Variants in DIP2A observed in about 807,000 individuals in gnomAD.
DIP2A encodes the protein disco-interacting protein 2 homolog A.
In DIP2A, 85 loss-of-function variants were observed where a neutral mutation model predicts 177.4. The ratio of observed to expected loss-of-function variants is 0.48; its 90% CI spans 0.40 to 0.57. The LOEUF (loss-of-function observed/expected upper bound fraction) is 0.57. Among genes scored for constraint, DIP2A ranks in the 20% least tolerant of loss-of-function variants. The pLI is 0.00. For missense variants in DIP2A, 1,791 were observed against 2,100.2 expected (o/e 0.85, Z 2.88); for synonymous variants, 886 against 881.8 (o/e 1.00, Z -0.08).
intron 2 of DIP2A, among the ~76,000 whole-genome samples, chr21:46,487,431 A>T (rs1254619200): frequency 6.6e-6 from 1 of 152,230 alleles, no homozygotes. Flanking sequence ...TCCATTCCAA[A>T]TGGGTAAACA....
Position 46,563,491 on chromosome 21 carries a change from A to G in DIP2A, c.4090-367A>G, listed in dbSNP as rs1178860530. Among the ~76,000 whole-genome samples, 1 of 152,130 alleles carries G rather than the reference A, an allele frequency of 6.6e-6. No homozygotes were observed. Among genetic ancestry groups the G allele is most frequent in the African/African-American group, 2.4e-5 (1 of 41,420 alleles). On this transcript the variant is annotated intron_variant, in intron 34 of 37. Transcript: ENST00000417564. This position sits in a 1 kb window ranked among gnomAD's most constrained non-coding sequence, Gnocchi z 4.3. ...GTCAGGTTCCTGGCCAAGAACTAGG[A>G]CAGACATGTGCCTCCTGCAGGGCTG... is the stretch of plus-strand genomic sequence containing the variant.
chr21:46,556,123 C>T lies in DIP2A; in HGVS notation c.3498+32C>T. The T allele has an allele frequency of 1.3e-6, 2 of 1,579,922 alleles. No homozygotes were observed. The highest frequency in any genetic ancestry group is 1.7e-6 in the Non-Finnish European group (2 of 1,149,430). On this transcript the variant is annotated intron_variant, in intron 29 of 37. Coordinates refer to ENST00000417564, the MANE Select transcript of DIP2A (RefSeq NM_015151.4). The surrounding 1 kb of genome is among the most constrained non-coding windows in gnomAD (Gnocchi z 4.5). ...CCTCTGAAATCTTGTTTGCTTCAGC[C>T]CCTAGAAATCAGGAGGAGTGGACAG...
At position 46,537,039 on chromosome 21, in the gene DIP2A, G is replaced by A. The variant is rs551896103; in HGVS notation, c.1643-185G>A. ...TAGTTCCATGACCTTCTACTTTTAT[G>A]TGTTTCCAGTAATTTGAATAGATAA... On this transcript the variant is annotated intron_variant, in intron 13 of 37. Coordinates refer to ENST00000417564, the MANE Select transcript of DIP2A (RefSeq NM_015151.4). This position sits in a 1 kb window ranked among gnomAD's most constrained non-coding sequence, Gnocchi z 4.1. Among the ~76,000 whole-genome samples the A allele has an allele frequency of 6.6e-6, 1 of 152,192 alleles. No individual in the cohort carries two copies. The highest frequency in any genetic ancestry group is 1.5e-5 in the Non-Finnish European group (1 of 68,020).
intron 13 of DIP2A, among the ~76,000 whole-genome samples, chr21:46,536,590 A>G (rs1439250169): frequency 6.6e-6 from 1 of 152,104 alleles, no homozygotes; most frequent in Non-Finnish European, 1.5e-5. Flanking sequence ...AAGAATACCC[A>G]CTCAAAAATA....
chr21:46,469,887 C>G (rs1349347371), intron 1 of DIP2A, among the ~76,000 whole-genome samples: 1 of 152,076 alleles, frequency 6.6e-6, no homozygotes, highest in Non-Finnish European at 1.5e-5. Flanking sequence ...CGTGTGACTG[C>G]TTCTCTTATC....
At chr21:46,521,603 A>C (rs1388909043) in intron 8 of DIP2A, among the ~76,000 whole-genome samples, 1 of 152,252 alleles carries the variant, frequency 6.6e-6, no homozygotes. Flanking sequence ...CCTTGTAGAC[A>C]AATCTATTCA....
At chr21:46,575,919 A>G in the DIP2A span, among the ~76,000 whole-genome samples, 1 of 152,240 alleles carries the variant, frequency 6.6e-6, no homozygotes, top group Admixed American at 6.5e-5. Flanking sequence ...TATAGAATCT[A>G]AAGACACTCT....
Position 46,509,329 on chromosome 21 carries a change from C to T in DIP2A, c.857C>T (p.Pro286Leu), listed in dbSNP as rs2148615403. Residue 286 changes from proline to leucine, a missense_variant, in exon 7 of 38, where the codon CCT becomes CTT. Physicochemically the swap from Pro to Leu is moderately conservative, Grantham distance 98. Transcript: ENST00000417564. ...AACACCCTGAAGAGGCCAAAGCGCC[C>T]TCCACTGAAGGAGTTCTTTGTGGAT... ...LLNTLKRPKR[P>L]PLKEFFVDDF... 1.2e-6 allele frequency: 2 copies of T among 1,613,764 alleles called. No individual in the cohort carries two copies. Among genetic ancestry groups the T allele is most frequent in the East Asian group, 4.5e-5 (2 of 44,868 alleles).
Position 46,556,823 on chromosome 21 carries a change from TGTTTGGTAGTTC to T in DIP2A, c.3499-114_3499-103del. 1.1e-6 allele frequency: 1 copy of T among 876,056 alleles called. No homozygotes were observed. Among genetic ancestry groups the T allele is most frequent in the South Asian group, 2.2e-5 (1 of 46,314 alleles). 54.3% of individuals were successfully genotyped at this position (876,056 alleles called of 1,614,324 possible). A position where few individuals can be genotyped will look rare whatever the true frequency, so the allele number is the denominator to read the frequency against. On this transcript the variant is annotated intron_variant, in intron 29 of 37. Coordinates refer to ENST00000417564, the MANE Select transcript of DIP2A (RefSeq NM_015151.4). The surrounding 1 kb of genome is among the most constrained non-coding windows in gnomAD (Gnocchi z 4.5). ...CCGTCTTTTAAGGAAATAAATATGA[TGTTTGGTAGTTC>T]GGAGCTATGGTCTAGCCATGTGAAC...
chr21:46,514,642 GTTT>G (rs1159261551), intron 8 of DIP2A, among the ~76,000 whole-genome samples: 3 of 67,790 alleles, frequency 4.4e-5, no homozygotes, highest in South Asian at 4.8e-4. Context: ...TTTTTTTTTG[GTTT>G]TTTTTTTTTT....
intron 8 of DIP2A, among the ~76,000 whole-genome samples, chr21:46,522,182 G>A (rs974805517): frequency 6.6e-6 from 1 of 152,134 alleles, no homozygotes; most frequent in Admixed American, 6.5e-5. Flanking sequence ...GAACTAAAAG[G>A]CATTACAGTT....
At chr21:46,528,484 G>T (rs962653546) in intron 8 of DIP2A, among the ~76,000 whole-genome samples, 14 of 113,624 alleles carry the variant, frequency 1.2e-4, no homozygotes, top group Non-Finnish European at 2.1e-4. Flanking sequence ...GCACACATAT[G>T]TACATATACA....
At chr21:46,483,654 G>A (rs2056499851) in intron 1 of DIP2A, among the ~76,000 whole-genome samples, 1 of 152,252 alleles carries the variant, frequency 6.6e-6, no homozygotes. Context: ...ATTCAACGGT[G>A]TCAGTCTGTT....
intron 1 of DIP2A, among the ~76,000 whole-genome samples, chr21:46,478,215 AT>A (rs879894056): frequency 1.7e-3 from 241 of 144,732 alleles, no homozygotes; most frequent in Admixed American, 1.8e-3. Context: ...ACTTTCAAGA[AT>A]TTTTTTTTTT....
In DIP2A at chr21:46,558,357, G is replaced by T; in HGVS notation, c.3933G>T (p.Thr1311=). Residue 1311 remains threonine (T), a synonymous_variant, in exon 32 of 38, where the codon ACG becomes ACT. Coordinates refer to ENST00000417564, the MANE Select transcript of DIP2A (RefSeq NM_015151.4). ...LGLPARAVST[T]FGCRVNVAIC... ...TGCCGGCCCGCGCCGTAAGCACCAC[G>T]TTCGGGTGCAGGGTCAACGTGGCCA... 1 of 1,604,296 alleles carries T rather than the reference G, an allele frequency of 6.2e-7. No individual in the cohort carries two copies. Among genetic ancestry groups the T allele is most frequent in the South Asian group, 1.1e-5 (1 of 89,140 alleles).
rs1336196926 is a variant in DIP2A at position 46,549,807 on chromosome 21, C to A, written c.2559C>A (p.Asp853Glu). ...AVFSVTVLHDDRIVLVAEQRP... is the reference protein window; with the variant it reads ...AVFSVTVLHDERIVLVAEQRP... ...TCTCTGTGACCGTGCTGCACGACGA[C>A]CGGATTGTCCTGGTGGCTGAGCAGC... Residue 853 changes from aspartate to glutamate, a missense_variant, in exon 22 of 38, where the codon GAC (aspartate) becomes GAA (glutamate). Physicochemically the swap from Asp to Glu is conservative, Grantham distance 45. Transcript: ENST00000417564. 1 of 1,613,646 alleles carries A rather than the reference C, an allele frequency of 6.2e-7. No homozygotes were observed. The highest frequency in any genetic ancestry group is 1.3e-5 in the African/African-American group (1 of 74,936).
At chr21:46,570,910 C>T (rs1361878577), downstream of DIP2A, among the ~76,000 whole-genome samples, 1 of 152,170 alleles carries the variant, frequency 6.6e-6, no homozygotes, top group African/African-American at 2.4e-5. Flanking sequence ...AGAGACCACA[C>T]AGATACCAAC....
chr21:46,487,790 A>G lies in DIP2A; in HGVS notation c.164-2810A>G, dbSNP rs1180699833. The stretch of plus-strand genomic sequence containing the variant: ...AACCTACGTTAGGATCGTAAAATCT[A>G]TTTGAAAGAAATAACCAAGACCCTA... On this transcript the variant is annotated intron_variant, in intron 2 of 37. Coordinates refer to ENST00000417564, the MANE Select transcript of DIP2A (RefSeq NM_015151.4). Among the ~76,000 whole-genome samples, 12 of 152,374 alleles carry G rather than the reference A, an allele frequency of 7.9e-5. No individual in the cohort carries two copies. In the East Asian group the frequency reaches 2.1e-3, roughly 27 times the overall value.
At chr21:46,468,790 T>G (rs1163012079) in intron 1 of DIP2A, among the ~76,000 whole-genome samples, 1 of 152,220 alleles carries the variant, frequency 6.6e-6, no homozygotes, top group Admixed American at 6.5e-5. Context: ...TATACTTACC[T>G]TTAAATTCAT....
Sources: gnomAD v4.1 joint callset for allele counts (sites outside exome capture counted in the v4.1 genomes callset) on GRCh38, gnomAD v4.1.1 for gene constraint, Gnocchi (gnomAD v3.1) non-coding constraint, MANE v1.5 for transcripts, NCBI Gene and HGNC (gene_info 2026-07-23, HGNC 2026-07-21) for gene names.